The following GFRA2 variants were observed in gnomAD, a reference collection of about 807,000 sequenced individuals.
GFRA2 encodes GDNF family receptor alpha 2.
A neutral mutation model predicts 48.3 loss-of-function variants in GFRA2; 17 were observed. That is an observed-to-expected ratio of 0.35 (90% CI 0.24 to 0.53). The LOEUF (loss-of-function observed/expected upper bound fraction) is 0.53, where lower values mean the gene tolerates loss of function less well. Ranked by LOEUF, GFRA2 falls within the 20% of genes least tolerant of loss-of-function variation. The pLI is 0.93. For missense variants in GFRA2, 660 were observed against 637.3 expected, an observed-to-expected ratio of 1.04 and a Z score of -0.38; for synonymous variants, 305 against 257.2, an observed-to-expected ratio of 1.19 and a Z score of -1.78.
chr8:21,787,992 G>GGGCCCGGCT (rs1456159386), intron 1 of GFRA2, 128 bp downstream of exon 1: 4 of 493,312 alleles, frequency 8.1e-6, no homozygotes, highest in Admixed American at 4.5e-5. Context: ...CGCCAGCACC[G>GGGCCCGGCT]GGCCCGGCTA....
At chr8:21,697,159 C>T (rs894905942) in intron 7 of GFRA2, among the ~76,000 whole-genome samples, 2 of 125,278 alleles carry the variant, frequency 1.6e-5, no homozygotes, top group African/African-American at 3.1e-5. Flanking sequence ...GGGGAAGGGA[C>T]AGAGGATAGG....
intron 1 of GFRA2, among the ~76,000 whole-genome samples, chr8:21,785,555 T>C (rs1333226546): frequency 1.3e-5 from 2 of 152,146 alleles, no homozygotes; most frequent in Non-Finnish European, 1.5e-5. Flanking sequence ...GAGTAGCTGC[T>C]AGAGACACAG....
intron 6 of GFRA2, among the ~76,000 whole-genome samples, chr8:21,704,330 G>A (rs1410549098): frequency 3.3e-5 from 5 of 152,256 alleles, no homozygotes; most frequent in Non-Finnish European, 5.9e-5. Flanking sequence ...CAGACCCCCC[G>A]CCCAGAGCAG....
chr8:21,757,860 C>T (rs983074424), intron 3 of GFRA2, among the ~76,000 whole-genome samples: 10 of 152,126 alleles, frequency 6.6e-5, no homozygotes, highest in Non-Finnish European at 8.8e-5. Flanking sequence ...TCACCTTTTA[C>T]GTTTTTCAAT....
intron 8 of GFRA2, among the ~76,000 whole-genome samples, chr8:21,693,747 G>A (rs1801990119): frequency 6.6e-6 from 1 of 152,194 alleles, no homozygotes; most frequent in Non-Finnish European, 1.5e-5. Context: ...AGCTGAAGAA[G>A]GAGGAGAGAA....
Position 21,775,989 on chromosome 8 carries a change from C to G in GFRA2, c.356-934G>C, listed in dbSNP as rs1054367402. 1.3e-4 allele frequency among the ~76,000 whole-genome samples: 16 copies of G among 126,478 alleles called. No individual in the cohort carries two copies. The South Asian group carries it at 1.7e-3, about 13-fold the overall frequency. 83.0% of individuals were successfully genotyped at this position (126,478 alleles called of 152,430 possible). A position where few individuals can be genotyped will look rare whatever the true frequency, so the allele number is the denominator to read the frequency against. On this transcript the variant is annotated intron_variant, in intron 2 of 8. Coordinates refer to ENST00000524240, the MANE Select transcript of GFRA2 (RefSeq NM_001495.5). ...AAATTGATGGCTCACCACTCATCCT[C>G]TGTGTGTGTGTGTGTGTGTGTGTGT...
At position 21,811,662 on chromosome 8, in the gene GFRA2, T is replaced by TC. The variant is rs558192850; in HGVS notation, c.-148+568dup. Among the ~76,000 whole-genome samples the TC allele has an allele frequency of 2.3e-4, 35 of 151,708 alleles. No homozygotes were observed. The South Asian group carries it at 5.4e-3, about 24-fold the overall frequency. On this transcript the variant is annotated intron_variant, in intron 1 of 10. Coordinates refer to the GFRA2 transcript ENST00000517328. Reference sequence around the variant, plus strand: ...CTGGCCTTCTCCTGCATACAAGTCCTCCCCCCGCCTTCCCCACAGGCTGTC... The same window carrying TC: ...CTGGCCTTCTCCTGCATACAAGTCCTCCCCCCCGCCTTCCCCACAGGCTGTC...
intron 4 of GFRA2, among the ~76,000 whole-genome samples, chr8:21,741,781 G>T (rs1015633041): frequency 6.6e-6 from 1 of 152,098 alleles, no homozygotes; most frequent in African/African-American, 2.4e-5. Flanking sequence ...AATTAGCCAG[G>T]TGTGGTGGTG....
intron 2 of GFRA2, among the ~76,000 whole-genome samples, chr8:21,797,285 T>C (rs1807693960): frequency 7.1e-6 from 1 of 141,626 alleles, no homozygotes; most frequent in Non-Finnish European, 1.5e-5. Context: ...TTCCTTTCTT[T>C]GCTTTTTTTT....
At chr8:21,765,165 G>A (rs1045456917) in intron 3 of GFRA2, among the ~76,000 whole-genome samples, 1 of 151,818 alleles carries the variant, frequency 6.6e-6, no homozygotes, top group Admixed American at 6.6e-5. Flanking sequence ...ACACTGGAGT[G>A]CAGTGGCATG....
In GFRA2 at chr8:21,693,123, A is replaced by T; in HGVS notation, c.*155T>A. On this transcript the variant is annotated 3_prime_UTR_variant, in exon 9 of 9. Coordinates refer to ENST00000524240, the MANE Select transcript of GFRA2 (RefSeq NM_001495.5). ...GTTTGGTTTACAAAAACTTCTCCAG[A>T]GAAGAAACCTGGGAGGAGACAGGTT... The T allele has an allele frequency of 1.6e-6, 1 of 636,558 alleles. No homozygotes were observed. The highest frequency in any genetic ancestry group is 1.9e-5 in the African/African-American group (1 of 52,382). The allele number at this position is 636,558 out of a possible 1,614,324, so 39.4% of individuals were successfully genotyped here.
intron 1 of GFRA2, among the ~76,000 whole-genome samples, chr8:21,809,876 C>A (rs529062528): frequency 7.9e-5 from 12 of 152,278 alleles, no homozygotes; most frequent in Middle Eastern, 3.4e-3. Context: ...AATAGGGGAA[C>A]AGCAAATGCA....
intron 1 of GFRA2, among the ~76,000 whole-genome samples, chr8:21,809,386 G>A (rs1324760269): frequency 2.0e-5 from 3 of 152,166 alleles, no homozygotes; most frequent in South Asian, 4.1e-4. Flanking sequence ...GTGCAGTGGC[G>A]CGATCTCAGC....
chr8:21,776,320 G>C (rs1473996252), intron 2 of GFRA2, among the ~76,000 whole-genome samples: 1 of 151,546 alleles, frequency 6.6e-6, no homozygotes, highest in East Asian at 2.0e-4. Context: ...GGCAGCCCCA[G>C]AGGACAAGGA....
chr8:21,799,400 A>G (rs956647261), intron 2 of GFRA2, among the ~76,000 whole-genome samples: 1 of 152,092 alleles, frequency 6.6e-6, no homozygotes. Flanking sequence ...TTGTATTTTT[A>G]GTAGAGACGG....
intron 1 of GFRA2, among the ~76,000 whole-genome samples, chr8:21,784,019 G>A (rs1197126310): frequency 2.6e-5 from 4 of 151,796 alleles, no homozygotes; most frequent in Non-Finnish European, 4.4e-5. Flanking sequence ...AAAGGGAAAA[G>A]CTCCCCTCCT....
chr8:21,782,004 G>C (rs939861268), intron 2 of GFRA2, among the ~76,000 whole-genome samples: 1 of 152,164 alleles, frequency 6.6e-6, no homozygotes, highest in African/African-American at 2.4e-5. Flanking sequence ...CACATGAAGG[G>C]CTGGTGTCCT....
chr8:21,696,103 T>C (rs1243353562), intron 7 of GFRA2, among the ~76,000 whole-genome samples: 1 of 64,040 alleles, frequency 1.6e-5, no homozygotes, highest in Admixed American at 2.4e-4. Context: ...CCCCCTCCTC[T>C]GTCCCCTCCT....
upstream of GFRA2, among the ~76,000 whole-genome samples, chr8:21,790,417 A>C (rs1807540234): frequency 6.6e-6 from 1 of 152,248 alleles, no homozygotes; most frequent in Admixed American, 6.5e-5. Flanking sequence ...AAGACTCTGG[A>C]ATCCAGTAAA....
Sources: allele counts gnomAD v4.1 joint callset (sites outside exome capture counted in the v4.1 genomes callset), GRCh38; gene constraint gnomAD v4.1.1; transcripts MANE v1.5; gene names NCBI Gene and HGNC (gene_info 2026-07-23, HGNC 2026-07-21).